GLT1D1: variants seen among roughly 807,000 people sequenced by gnomAD.
GLT1D1 encodes glycosyltransferase 1 domain-containing protein 1.
A neutral mutation model predicts 28.7 loss-of-function variants in GLT1D1; 21 were observed. That is an observed-to-expected ratio of 0.73 (90% CI 0.52 to 1.05). The LOEUF is 1.05. Among genes scored for constraint, GLT1D1 ranks in the 50% least tolerant of loss-of-function variants. The pLI is 0.00. For missense variants in GLT1D1, 343 were observed against 330.6 expected (o/e 1.04, Z -0.29); for synonymous variants, 147 against 124.8 (o/e 1.18, Z -1.19).
chr12:128,959,467 G>T (rs1437889734), intron 7 of GLT1D1, among the ~76,000 whole-genome samples: 1 of 104,998 alleles, frequency 9.5e-6, no homozygotes, highest in Non-Finnish European at 2.0e-5. Context: ...GTGGTGGGGG[G>T]GCAGCAAGGG....
chr12:128,979,084 G>T (rs916620403), intron 7 of GLT1D1, among the ~76,000 whole-genome samples: 32 of 152,180 alleles, frequency 2.1e-4, no homozygotes, highest in African/African-American at 7.7e-4. Context: ...AGCCCAGCAG[G>T]TCTCAGCCTC....
rs1219498742 is a variant in GLT1D1, at chr12:128,881,547, AAAAAAAAAAAAAAAATAT to A, written c.217+5487_217+5504del. ...AGACTCTGTATCGAAAAAAAAAAAA[AAAAAAAAAAAAAAAATAT>A]ATATATATATATATATATATATATA... On this transcript the variant is annotated intron_variant, in intron 2 of 7. Transcript: ENST00000281703. 2.4e-3 allele frequency among the ~76,000 whole-genome samples: 169 copies of A among 69,590 alleles called. 1 individual carries two copies. The highest frequency in any genetic ancestry group is 0.017 in the South Asian group (36 of 2,082). The allele number at this position is 69,590 out of a possible 152,430, so 45.7% of individuals were successfully genotyped here.
chr12:128,965,292 TG>T (rs1465785938), intron 7 of GLT1D1, among the ~76,000 whole-genome samples: 1 of 152,142 alleles, frequency 6.6e-6, no homozygotes, highest in African/African-American at 2.4e-5. Flanking sequence ...CTCTAGGAGC[TG>T]GGGGCGACCC....
intron 2 of GLT1D1, among the ~76,000 whole-genome samples, chr12:128,876,553 CA>C (rs1395216387): frequency 6.6e-6 from 1 of 152,110 alleles, no homozygotes; most frequent in Admixed American, 6.6e-5. Context: ...TGGGCTCAAG[CA>C]ATCCATCCTC....
intron 1 of GLT1D1, among the ~76,000 whole-genome samples, chr12:128,862,015 C>G (rs957000762): frequency 2.0e-5 from 3 of 152,124 alleles, no homozygotes; most frequent in African/African-American, 7.2e-5. Flanking sequence ...GATCTTGTTA[C>G]TAATTTTTCC....
intron 7 of GLT1D1, among the ~76,000 whole-genome samples, chr12:128,970,203 G>C (rs1469670560): frequency 1.3e-5 from 2 of 152,116 alleles, no homozygotes; most frequent in Non-Finnish European, 2.9e-5. Context: ...GCAGCCTTAG[G>C]GGTAATGCTG....
chr12:128,914,822 A>T, intron 4 of GLT1D1, 111 bp from the exon 6 acceptor site: 1 of 788,606 alleles, frequency 1.3e-6, no homozygotes, highest in Non-Finnish European at 2.0e-6. Context: ...TCTGTCTCAA[A>T]ATAATAAGAA....
intron 3 of GLT1D1, among the ~76,000 whole-genome samples, chr12:128,896,947 T>C (rs767763491): frequency 6.6e-6 from 1 of 152,230 alleles, no homozygotes; most frequent in Non-Finnish European, 1.5e-5. Context: ...TTGCAAGGTC[T>C]AACGCTACGA....
intron 1 of GLT1D1, among the ~76,000 whole-genome samples, chr12:128,874,194 C>CTTTCTTTTTTTCTCTT: frequency 1.4e-5 from 2 of 139,442 alleles, no homozygotes; most frequent in African/African-American, 5.8e-5. Flanking sequence ...CTTTCTTTCT[C>CTTTCTTTTTTTCTCTT]TCTTTCTCTC....
chr12:128,965,497 G>C (rs932156255), intron 7 of GLT1D1, among the ~76,000 whole-genome samples: 9 of 152,120 alleles, frequency 5.9e-5, no homozygotes, highest in African/African-American at 1.9e-4. Context: ...CCTGGACTTT[G>C]ACTTGCAGAA....
At chr12:128,867,417 C>CAAAA (rs1319317494) in intron 1 of GLT1D1, among the ~76,000 whole-genome samples, 3 of 72,902 alleles carry the variant, frequency 4.1e-5, no homozygotes, top group African/African-American at 1.7e-4. Flanking sequence ...AAAAAAAAAA[C>CAAAA]AGAAAAAAAA....
chr12:128,883,025 C>G (rs1957094473), intron 2 of GLT1D1, among the ~76,000 whole-genome samples: 1 of 151,402 alleles, frequency 6.6e-6, no homozygotes, highest in South Asian at 2.1e-4. Flanking sequence ...TCCCCTGGTT[C>G]AAGCAATTCT....
intron 4 of GLT1D1, among the ~76,000 whole-genome samples, chr12:128,938,811 G>A (rs975421600): frequency 6.6e-6 from 1 of 152,156 alleles, no homozygotes; most frequent in Non-Finnish European, 1.5e-5. Flanking sequence ...TAAATGCTTA[G>A]AATTTTGTGT....
chr12:128,918,105 A>T (rs971609242), intron 4 of GLT1D1, among the ~76,000 whole-genome samples: 5 of 152,224 alleles, frequency 3.3e-5, no homozygotes, highest in Non-Finnish European at 7.3e-5. Context: ...TGGTACATAG[A>T]CACCGTGGAA....
At chr12:128,868,537 A>C (rs1294465446) in intron 1 of GLT1D1, among the ~76,000 whole-genome samples, 1 of 152,226 alleles carries the variant, frequency 6.6e-6, no homozygotes, top group Non-Finnish European at 1.5e-5. Flanking sequence ...GTAGAGGACT[A>C]ACAGGTGTTG....
At chr12:128,945,153 C>T (rs532466799) in intron 4 of GLT1D1, 173 bp from the exon 9 acceptor site, 36 of 748,532 alleles carry the variant, frequency 4.8e-5, no homozygotes, top group African/African-American at 2.4e-4. Flanking sequence ...TGCCCTTGCC[C>T]GAGCCGGGGG....
At chr12:128,954,776 C>T (rs1877100613) in intron 6 of GLT1D1, among the ~76,000 whole-genome samples, 1 of 152,084 alleles carries the variant, frequency 6.6e-6, no homozygotes, top group Non-Finnish European at 1.5e-5. Flanking sequence ...ATAGCAAGAC[C>T]CCATTGCTAC....
intron 2 of GLT1D1, among the ~76,000 whole-genome samples, chr12:128,879,378 T>TTTCTTTCTTCC (rs1956953393): frequency 2.9e-5 from 2 of 69,896 alleles, no homozygotes; most frequent in African/African-American, 1.1e-4. Flanking sequence ...ATTTTTTTCT[T>TTTCTTTCTTCC]TTTCTTTCTT....
chr12:128,925,099 G>A (rs1245727598), intron 4 of GLT1D1, among the ~76,000 whole-genome samples: 1 of 150,864 alleles, frequency 6.6e-6, no homozygotes, highest in Non-Finnish European at 1.5e-5. Flanking sequence ...TTATATGTAT[G>A]TGAGGTGTAC....
Sources: gnomAD v4.1 joint callset for allele counts (sites outside exome capture counted in the v4.1 genomes callset) on GRCh38, gnomAD v4.1.1 for gene constraint, MANE v1.5 for transcripts, NCBI Gene and HGNC (gene_info 2026-07-23, HGNC 2026-07-21) for gene names.